The following BCR variants were observed in gnomAD, a reference collection of about 807,000 sequenced individuals.
BCR encodes the protein BCR activator of RhoGEF and GTPase, also known as breakpoint cluster region protein.
Under a neutral mutation model 138.6 loss-of-function variants are expected in BCR, and 58 were observed. The observed-to-expected ratio is 0.42, with a 90% confidence interval of 0.34 to 0.52. The LOEUF is 0.52. Among genes scored for constraint, BCR ranks in the 20% least tolerant of loss-of-function variants. BCR has a pLI of 0.06. For synonymous variants in BCR, 786 were observed against 730.1 expected, an observed-to-expected ratio of 1.08 and a Z score of -1.23; for missense variants, 1,599 against 1,727.2, an observed-to-expected ratio of 0.93 and a Z score of 1.32.
At position 23,300,831 on chromosome 22, in the gene BCR, C is replaced by T. The variant is rs1044494899; in HGVS notation, c.3012+5676C>T. Among the ~76,000 whole-genome samples, 6 of 152,170 alleles carry T rather than the reference C, an allele frequency of 3.9e-5. No homozygotes were observed. The South Asian group carries it at 6.2e-4, about 16-fold the overall frequency. On this transcript the variant is annotated intron_variant, in intron 16 of 22. Transcript: ENST00000305877. ...AGGCTCACAGTCCAAATCTCATCCC[C>T]GAGGCTCACATAAAACATTGGCAAC...
At chr22:23,296,947 A>G (rs997734120) in intron 16 of BCR, among the ~76,000 whole-genome samples, 3 of 152,210 alleles carry the variant, frequency 2.0e-5, no homozygotes, top group African/African-American at 7.2e-5. Context: ...TGAGATCCGA[A>G]GTATTTTAGC....
chr22:23,254,155 GA>G (rs1840076616), intron 2 of BCR, among the ~76,000 whole-genome samples, 175 bp downstream of exon 2: 1 of 152,182 alleles, frequency 6.6e-6, no homozygotes, highest in Non-Finnish European at 1.5e-5. Flanking sequence ...CAGCCTGCCA[GA>G]TGTGTTGATC....
chr22:23,210,165 T>C (rs547864075), intron 1 of BCR, among the ~76,000 whole-genome samples: 134 of 152,232 alleles, frequency 8.8e-4, no homozygotes, highest in African/African-American at 2.9e-3. Context: ...AGCTCACACC[T>C]GTATTACCGG....
At position 23,211,347 on chromosome 22, in the gene BCR, G is replaced by A. The variant is rs537572623; in HGVS notation, c.1279+29108G>A. Among the ~76,000 whole-genome samples, 140 of 150,268 alleles carry A rather than the reference G, an allele frequency of 9.3e-4. 1 individual carries two copies. The highest frequency in any genetic ancestry group is 1.6e-3 in the Non-Finnish European group (109 of 67,680). On this transcript the variant is annotated intron_variant, in intron 1 of 22. Transcript: ENST00000305877. Reference sequence around the variant, plus strand: ...CAAGTAGCTGGGACTACAGGCGCCCGCCACTACACCCAGCTAATTTTTTTG... The same window carrying A: ...CAAGTAGCTGGGACTACAGGCGCCCACCACTACACCCAGCTAATTTTTTTG...
intron 1 of BCR, among the ~76,000 whole-genome samples, chr22:23,202,236 A>G (rs2072561148): frequency 1.3e-5 from 2 of 152,158 alleles, no homozygotes; most frequent in Admixed American, 6.5e-5. Flanking sequence ...TTCATGTACC[A>G]TACAATTCAA....
Position 23,182,139 on chromosome 22 carries a change from G to T in BCR, c.1179G>T (p.Arg393=). The part of the protein sequence containing the change: ...PPTPQCHKRH[R]HCPVVVSEAT... ...CGCCGCAGTGCCATAAGCGGCACCG[G>T]CACTGCCCGGTTGTCGTGTCCGAGG... is the stretch of plus-strand genomic sequence containing the variant. The change falls in exon 1 of 23, where the codon CGG becomes CGT. Residue 393 remains arginine (R), a synonymous_variant. Coordinates refer to ENST00000305877, the MANE Select transcript of BCR (RefSeq NM_004327.4). 6.2e-7 allele frequency: 1 copy of T among 1,610,464 alleles called. No homozygotes were observed.
At chr22:23,239,387 C>T (rs988781038) in intron 1 of BCR, among the ~76,000 whole-genome samples, 1 of 152,116 alleles carries the variant, frequency 6.6e-6, no homozygotes, top group Non-Finnish European at 1.5e-5. Context: ...AGCAGGTGCC[C>T]GGCACTGGAA....
intron 14 of BCR, among the ~76,000 whole-genome samples, chr22:23,291,325 C>T (rs1275507532): frequency 6.6e-6 from 1 of 151,724 alleles, no homozygotes; most frequent in East Asian, 1.9e-4. Flanking sequence ...CCAAGGGGGA[C>T]TTTTTAGGTG....
chr22:23,214,025 A>G (rs1484357318), intron 1 of BCR, among the ~76,000 whole-genome samples: 1 of 152,186 alleles, frequency 6.6e-6, no homozygotes, highest in Admixed American at 6.5e-5. Flanking sequence ...TGACTCAGGA[A>G]CTTGCTGTGA....
intron 4 of BCR, among the ~76,000 whole-genome samples, chr22:23,266,720 G>C (rs183000123): frequency 1.9e-3 from 297 of 152,324 alleles, no homozygotes; most frequent in Non-Finnish European, 2.7e-3. Context: ...GGCCCACTCG[G>C]GTTTGCCAGT....
At chr22:23,235,183 G>A (rs1219284382) in intron 1 of BCR, among the ~76,000 whole-genome samples, 1 of 144,002 alleles carries the variant, frequency 6.9e-6, no homozygotes, top group Admixed American at 7.0e-5. Flanking sequence ...TGGCTCCTAG[G>A]TTCAAGTGAT....
In BCR at chr22:23,181,653, C is replaced by T. The variant is rs149768123; in HGVS notation, c.693C>T (p.Tyr231=). ...TGGGGGATGCATCCAGGCCCCCTTA[C>T]CGGGGACGCTCCTCGGAGAGCAGCT... is the stretch of plus-strand genomic sequence containing the variant. The part of the protein sequence containing the change: ...SSVGDASRPP[Y]RGRSSESSCG... Residue 231 remains tyrosine, a synonymous_variant, in exon 1 of 23, where the codon TAC becomes TAT. Coordinates refer to ENST00000305877, the MANE Select transcript of BCR (RefSeq NM_004327.4). The T allele has an allele frequency of 2.2e-4, 362 of 1,608,904 alleles. No individual in the cohort carries two copies. Among genetic ancestry groups the T allele is most frequent in the Non-Finnish European group, 2.6e-4 (309 of 1,179,874 alleles).
chr22:23,282,254 T>C (rs919910089), intron 8 of BCR, among the ~76,000 whole-genome samples: 12 of 152,220 alleles, frequency 7.9e-5, no homozygotes, highest in African/African-American at 2.4e-4. Flanking sequence ...CTCTACATGA[T>C]GTTTCTCCAG....
At chr22:23,296,373 C>CAAAAA (rs996139532) in intron 16 of BCR, among the ~76,000 whole-genome samples, 4 of 56,686 alleles carry the variant, frequency 7.1e-5, no homozygotes, top group African/African-American at 1.3e-4. Context: ...GAGTCCGTCT[C>CAAAAA]AAAAAAAAAA....
chr22:23,300,219 G>GC (rs1193501441), intron 16 of BCR, among the ~76,000 whole-genome samples: 3 of 151,974 alleles, frequency 2.0e-5, no homozygotes, highest in Admixed American at 2.0e-4. Flanking sequence ...CATTCCTCCT[G>GC]CCCCCAGCTC....
intron 15 of BCR, among the ~76,000 whole-genome samples, chr22:23,294,059 G>A (rs1291891340): frequency 6.6e-6 from 1 of 152,130 alleles, no homozygotes; most frequent in African/African-American, 2.4e-5. Flanking sequence ...TCACTCTTTT[G>A]TTTCCTTTTA....
chr22:23,279,690 TC>T lies in BCR; in HGVS notation c.2116-4286del, dbSNP rs561206811. Reference sequence around the variant, plus strand: ...GGGCTTCTTTGGCAACTTTTCCTTGTCTCACCAGTCAAGGCCCTGCTGATTT... The same window carrying T: ...GGGCTTCTTTGGCAACTTTTCCTTGTTCACCAGTCAAGGCCCTGCTGATTT... On this transcript the variant is annotated intron_variant, in intron 8 of 22. Transcript: ENST00000305877. Among the ~76,000 whole-genome samples the T allele has an allele frequency of 2.2e-3, 339 of 152,386 alleles. 3 individuals are homozygous for T. The highest frequency in any genetic ancestry group is 3.4e-3 in the Middle Eastern group (1 of 294).
Position 23,310,335 on chromosome 22 carries a change from G to A in BCR, c.3084G>A (p.Lys1028=). The A allele has an allele frequency of 7.3e-7, 1 of 1,378,682 alleles. No individual in the cohort carries two copies. The allele number at this position is 1,378,682 out of a possible 1,614,324, so 85.4% of individuals were successfully genotyped here. The change falls in exon 18 of 23, where the codon AAG becomes AAA. Residue 1028 remains lysine (K), a synonymous_variant. Coordinates refer to ENST00000305877, the MANE Select transcript of BCR (RefSeq NM_004327.4). The stretch of plus-strand genomic sequence containing the variant: ...TCTCCCTACTGTAGATCGAAGTAAA[G>A]CTCTCGGTCAAGTTCAACAGCAGGG... ...TVIAMNGIEV[K]LSVKFNSREF... is the part of the protein sequence containing the mutation.
rs2072975846 is a variant in BCR, at chr22:23,232,998, G to A, written c.1280-20801G>A. Among the ~76,000 whole-genome samples the A allele has an allele frequency of 2.0e-5, 3 of 152,220 alleles. No homozygotes were observed. In the South Asian group the frequency reaches 6.2e-4, roughly 32 times the overall value. On this transcript the variant is annotated intron_variant, in intron 1 of 22. Coordinates refer to ENST00000305877, the MANE Select transcript of BCR (RefSeq NM_004327.4). ...GGGGATCGCATTGAGGGAAGAAAAG[G>A]TGCTCTAATAGCTTCAGCCTGGACT...
Sources: allele counts gnomAD v4.1 joint callset (sites outside exome capture counted in the v4.1 genomes callset), GRCh38; gene constraint gnomAD v4.1.1; transcripts MANE v1.5; gene names NCBI Gene and HGNC (gene_info 2026-07-23, HGNC 2026-07-21).